ZNF692: variants seen among roughly 807,000 people sequenced by gnomAD.
ZNF692 encodes AICAR responsive element binding protein.
A neutral mutation model predicts 49.0 loss-of-function variants in ZNF692; 41 were observed. That is an observed-to-expected ratio of 0.84 (90% CI 0.65 to 1.08). The LOEUF is 1.08. ZNF692 is among the 50% of genes least tolerant of loss of function. ZNF692 has a pLI of 0.00. For missense variants in ZNF692, 662 were observed against 662.2 expected (o/e 1.00, Z 0.00); for synonymous variants, 288 against 251.5 (o/e 1.15, Z -1.37).
In ZNF692 at chr1:248,855,407, C is replaced by T. The variant is rs745581831; in HGVS notation, c.1011G>A (p.Arg337=). 7 of 1,614,054 alleles carry T rather than the reference C, an allele frequency of 4.3e-6. No homozygotes were observed. In the African/African-American group the frequency reaches 9.3e-5, roughly 22 times the overall value. The stretch of plus-strand genomic sequence containing the variant: ...TCAAATACTGCCGGTTGGAGAAGAT[C>T]CTTCCACAGCCAGGGAAGTCACAAG... ...LMPCDFPGCG[R]IFSNRQYLNH... The change falls in exon 9 of 12, where the codon AGG becomes AGA. Residue 337 remains arginine (R), a synonymous_variant. Coordinates refer to ENST00000306601, the MANE Select transcript of ZNF692 (RefSeq NM_017865.4).
Position 248,858,801 on chromosome 1 carries a change from C to T in ZNF692, c.-13+117G>A, listed in dbSNP as rs1037747395. The T allele has an allele frequency of 3.4e-6, 2 of 582,024 alleles. No individual in the cohort carries two copies. Among genetic ancestry groups the T allele is most frequent in the African/African-American group, 3.7e-5 (2 of 53,402 alleles). 36.1% of individuals were successfully genotyped at this position (582,024 alleles called of 1,614,324 possible). A position where few individuals can be genotyped will look rare whatever the true frequency, so the allele number is the denominator to read the frequency against. ...AGAGGTCTGGAGGGCGCCCCCCATC[C>T]ACCCCGTCTTGGGCACCCCCACTTA... On this transcript the variant is annotated intron_variant, in intron 1 of 11. Coordinates refer to ENST00000306601, the MANE Select transcript of ZNF692 (RefSeq NM_017865.4). The surrounding 1 kb of genome is among the most constrained non-coding windows in gnomAD (Gnocchi z 4.3).
At chr1:248,854,765 C>T (rs369874805) in intron 9 of ZNF692, among the ~76,000 whole-genome samples, 13 of 152,288 alleles carry the variant, frequency 8.5e-5, no homozygotes, top group African/African-American at 2.9e-4. Flanking sequence ...CAGCAGACTC[C>T]AGAATGTCTG....
At position 248,858,720 on chromosome 1, in the gene ZNF692, G is replaced by T. The variant is rs975139012; in HGVS notation, c.-13+198C>A. 7 of 701,144 alleles carry T rather than the reference G, an allele frequency of 1.0e-5. No homozygotes were observed. The highest frequency in any genetic ancestry group is 9.0e-5 in the Admixed American group (4 of 44,348). The allele number at this position is 701,144 out of a possible 1,614,324, so 43.4% of individuals were successfully genotyped here. A position where few individuals can be genotyped will look rare whatever the true frequency, so the allele number is the denominator to read the frequency against. ...TAGGGGAAGGAAAGGTCGTGTCCTG[G>T]CGTGCAGCTGGGGGCGCTCTTCATA... On this transcript the variant is annotated intron_variant, in intron 1 of 11. Coordinates refer to ENST00000306601, the MANE Select transcript of ZNF692 (RefSeq NM_017865.4). This position sits in a 1 kb window ranked among gnomAD's most constrained non-coding sequence, Gnocchi z 4.3.
Sources: gnomAD v4.1 joint callset for allele counts (sites outside exome capture counted in the v4.1 genomes callset) on GRCh38, gnomAD v4.1.1 for gene constraint, Gnocchi (gnomAD v3.1) non-coding constraint, MANE v1.5 for transcripts, NCBI Gene and HGNC (gene_info 2026-07-23, HGNC 2026-07-21) for gene names.